Variants in WFS1 observed in about 807,000 individuals in gnomAD.
WFS1 encodes the protein wolframin ER transmembrane glycoprotein, also known as wolframin.
In WFS1, 90 loss-of-function variants were observed where a neutral mutation model predicts 68.5. The ratio of observed to expected loss-of-function variants is 1.31; its 90% CI spans 1.11 to 1.56. WFS1 has a LOEUF of 1.56. WFS1 is among the 40% of genes most tolerant of loss of function. The pLI is 0.00. For missense variants in WFS1, 1,767 were observed against 1,232.6 expected (o/e 1.43, Z -6.49); for synonymous variants, 860 against 540.7 (o/e 1.59, Z -8.19).
At position 6,289,062 on chromosome 4, in the gene WFS1, GT is replaced by G. The variant is rs1560408774; in HGVS notation, c.392del (p.Val131AlafsTer12). 1 of 1,596,106 alleles carries G rather than the reference GT, an allele frequency of 6.3e-7. No homozygotes were observed. Among genetic ancestry groups the G allele is most frequent in the Admixed American group, 1.7e-5 (1 of 57,368 alleles). On this transcript the variant is annotated frameshift_variant, in exon 4 of 8. Coordinates refer to ENST00000226760, the MANE Select transcript of WFS1 (RefSeq NM_006005.3). LOFTEE classifies it high-confidence loss of function. ...LNSCTAVDWL[V>X]LAAKQGRREA... Reference sequence around the variant, plus strand: ...CAGCTGCACCGCTGTGGACTGGCTGGTCCTCGCCGCGAAGCAGGGCCGTCGC... The same window carrying G: ...CAGCTGCACCGCTGTGGACTGGCTGGCCTCGCCGCGAAGCAGGGCCGTCGC...
chr4:6,294,928 C>T, intron 6 of WFS1, 113 bp from the exon 7 acceptor site: 1 of 1,569,496 alleles, frequency 6.4e-7, no homozygotes, highest in Non-Finnish European at 8.7e-7. Flanking sequence ...TGAACCCACT[C>T]AGCTCCTTTC....
chr4:6,302,280 C>G lies in WFS1; in HGVS notation c.2485C>G (p.Leu829Val), dbSNP rs1184845386. The G allele has an allele frequency of 3.1e-6, 5 of 1,605,964 alleles. No individual in the cohort carries two copies. Among genetic ancestry groups the G allele is most frequent in the Non-Finnish European group, 4.3e-6 (5 of 1,174,702 alleles). ...QGSLIEFSTILEGRLGSKWPV... is the reference protein window; with the variant it reads ...QGSLIEFSTIVEGRLGSKWPV... Reference sequence around the variant, plus strand: ...CAGCCTCATCGAGTTCAGCACCATCCTGGAGGGCCGCCTGGGCAGCAAGTG... The same window carrying G: ...CAGCCTCATCGAGTTCAGCACCATCGTGGAGGGCCGCCTGGGCAGCAAGTG... The change falls in exon 8 of 8, where the codon CTG becomes GTG. Residue 829 changes from leucine to valine, a missense_variant. Coordinates refer to ENST00000226760, the MANE Select transcript of WFS1 (RefSeq NM_006005.3).
At chr4:6,289,288 AC>A (rs1350410199) in intron 4 of WFS1, among the ~76,000 whole-genome samples, 157 bp downstream of exon 4, 1 of 152,154 alleles carries the variant, frequency 6.6e-6, no homozygotes, top group East Asian at 1.9e-4. Context: ...CATTTTAGAC[AC>A]TGTTTCTGGA....
Position 6,301,012 on chromosome 4 carries a change from C to T in WFS1, c.1217C>T (p.Ala406Val). ...NFGWNHLEPY[A>V]HFLLSVFFVI... The stretch of plus-strand genomic sequence containing the variant: ...GGCTGGAACCACCTGGAGCCCTATG[C>T]CCATTTCCTGCTCTCTGTCTTCTTC... The change falls in exon 8 of 8, where the codon GCC becomes GTC. Residue 406 changes from alanine (A) to valine (V), a missense_variant. By Grantham distance (64) the Ala-to-Val change is moderately conservative. Coordinates refer to ENST00000226760, the MANE Select transcript of WFS1 (RefSeq NM_006005.3). 3 of 1,614,018 alleles carry T rather than the reference C, an allele frequency of 1.9e-6. No individual in the cohort carries two copies. Among genetic ancestry groups the T allele is most frequent in the Non-Finnish European group, 1.7e-6 (2 of 1,180,024 alleles).
chr4:6,301,302 G>A lies in WFS1; in HGVS notation c.1507G>A (p.Val503Ile), dbSNP rs573775230. ...CCACCTGGTCGTCCTCAACGTCAGC[G>A]TCCCGTGCCTGCTCTATGTCTACCT... The part of the protein sequence containing the change: ...VGHLVVLNVS[V>I]PCLLYVYLLY... The change falls in exon 8 of 8, where the codon GTC (valine) becomes ATC (isoleucine). Residue 503 changes from valine (V) to isoleucine (I), a missense_variant. Physicochemically the swap from Val to Ile is conservative, Grantham distance 29. Coordinates refer to ENST00000226760, the MANE Select transcript of WFS1 (RefSeq NM_006005.3). The A allele has an allele frequency of 6.3e-5, 102 of 1,611,254 alleles. No individual in the cohort carries two copies. The highest frequency in any genetic ancestry group is 3.6e-4 in the East Asian group (16 of 44,874).
intron 1 of WFS1, among the ~76,000 whole-genome samples, chr4:6,273,542 C>T (rs181960335): frequency 7.3e-6 from 1 of 136,514 alleles, no homozygotes; most frequent in Non-Finnish European, 1.6e-5. Flanking sequence ...GGATGGTGCT[C>T]CTGCCCTAGG....
intron 4 of WFS1, among the ~76,000 whole-genome samples, 187 bp from the exon 5 acceptor site, chr4:6,291,010 G>A (rs1224702162): frequency 3.3e-5 from 5 of 152,120 alleles, no homozygotes; most frequent in African/African-American, 1.2e-4. Context: ...TGGCCTCCCA[G>A]CTGGAGAGTG....
At chr4:6,293,839 G>A (rs969459286) in intron 6 of WFS1, among the ~76,000 whole-genome samples, 2 of 152,158 alleles carry the variant, frequency 1.3e-5, no homozygotes, top group Non-Finnish European at 2.9e-5. Flanking sequence ...GTCAGACGCC[G>A]TCCTGAACCC....
At position 6,277,685 on chromosome 4, in the gene WFS1, C is replaced by A; in HGVS notation, c.230C>A (p.Thr77Asn). 1.3e-6 allele frequency: 2 copies of A among 1,558,016 alleles called. No homozygotes were observed. Among genetic ancestry groups the A allele is most frequent in the East Asian group, 2.4e-5 (1 of 41,688 alleles). Residue 77 changes from threonine (T) to asparagine (N), a missense_variant and splice_region_variant, in exon 2 of 8, where the codon ACC becomes AAC. By Grantham distance (65) the Thr-to-Asn change is moderately conservative. Transcript: ENST00000226760. ...HTRSRERADGTGPTKGDMEIP... is the reference protein window; with the variant it reads ...HTRSRERADGNGPTKGDMEIP... ...AGGAGCCGGGAAAGAGCAGACGGCA[C>A]CGGTAAGGGAGCAGGCTGGGAAGCC...
intron 2 of WFS1, among the ~76,000 whole-genome samples, chr4:6,285,650 C>G (rs1030863342): frequency 6.6e-6 from 1 of 152,252 alleles, no homozygotes; most frequent in African/African-American, 2.4e-5. Flanking sequence ...GCCTTTGCAC[C>G]TGGCCACATC....
In WFS1 at chr4:6,301,004, G is replaced by A. The variant is rs779350842; in HGVS notation, c.1209G>A (p.Glu403=). 7 of 1,614,002 alleles carry A rather than the reference G, an allele frequency of 4.3e-6. No individual in the cohort carries two copies. The highest frequency in any genetic ancestry group is 1.1e-5 in the South Asian group (1 of 91,082). ...TCAACTTCGGCTGGAACCACCTGGA[G>A]CCCTATGCCCATTTCCTGCTCTCTG... ...AEVNFGWNHL[E]PYAHFLLSVF... Residue 403 remains glutamate (E), a synonymous_variant, in exon 8 of 8, where the codon GAG becomes GAA. Coordinates refer to ENST00000226760, the MANE Select transcript of WFS1 (RefSeq NM_006005.3).
chr4:6,291,065 C>T lies in WFS1; in HGVS notation c.461-132C>T, dbSNP rs192131817. 8.8e-5 allele frequency: 92 copies of T among 1,042,552 alleles called. No individual in the cohort carries two copies. The East Asian group carries it at 2.3e-3, about 26-fold the overall frequency. 64.6% of individuals were successfully genotyped at this position (1,042,552 alleles called of 1,614,324 possible). On this transcript the variant is annotated intron_variant, in intron 4 of 7. Coordinates refer to ENST00000226760, the MANE Select transcript of WFS1 (RefSeq NM_006005.3). ...TTGAGTCAGATGTCCATGCATCCTT[C>T]CCTGGTAACCAAGTCCTGACACCTT...
chr4:6,278,768 A>C (rs1163652353), intron 2 of WFS1, among the ~76,000 whole-genome samples: 1 of 152,182 alleles, frequency 6.6e-6, no homozygotes, highest in Non-Finnish European at 1.5e-5. Context: ...TTGTCTTTGC[A>C]TCTCCTTAAA....
At chr4:6,298,016 GGTTGTGTGT>G in intron 7 of WFS1, among the ~76,000 whole-genome samples, 1 of 152,356 alleles carries the variant, frequency 6.6e-6, no homozygotes. Flanking sequence ...TCAACCAGGT[GGTTGTGTGT>G]GTTCTAGGCA....
In WFS1 at chr4:6,301,404, T is replaced by G; in HGVS notation, c.1609T>G (p.Cys537Gly). 6.2e-7 allele frequency: 1 copy of G among 1,612,592 alleles called. No homozygotes were observed. Among genetic ancestry groups the G allele is most frequent in the Non-Finnish European group, 8.5e-7 (1 of 1,180,022 alleles). The change falls in exon 8 of 8, where the codon TGC becomes GGC. Residue 537 changes from cysteine to glycine, a missense_variant. Physicochemically the swap from Cys to Gly is radical, Grantham distance 159 (BLOSUM62 -3). Coordinates refer to ENST00000226760, the MANE Select transcript of WFS1 (RefSeq NM_006005.3). Reference sequence around the variant, plus strand: ...CTGCTACCTTGTGCCCTACCTGGTGTGCTTCATGTGGTGTGAGCTCTCCGT... The same window carrying G: ...CTGCTACCTTGTGCCCTACCTGGTGGGCTTCATGTGGTGTGAGCTCTCCGT... The part of the protein sequence containing the change: ...TYCYLVPYLV[C>G]FMWCELSVVI...
chr4:6,294,819 G>C (rs1309782629), intron 6 of WFS1: 1 of 621,352 alleles, frequency 1.6e-6, no homozygotes. Flanking sequence ...GGGGCCGGGG[G>C]CCAGGAGTGG....
rs779094559 is a variant in WFS1, at chr4:6,301,617, C to T, written c.1822C>T (p.Leu608=). 1.2e-6 allele frequency: 2 copies of T among 1,614,132 alleles called. No homozygotes were observed. The highest frequency in any genetic ancestry group is 1.7e-6 in the Non-Finnish European group (2 of 1,180,020). The part of the protein sequence containing the change: ...AVTVAVCSVP[L]LLRWWTKASF... ...CACCGTGGCGGTCTGTAGTGTGCCC[C>T]TGCTGTTGCGCTGGTGGACCAAGGC... The change falls in exon 8 of 8, where the codon CTG becomes TTG. Residue 608 remains leucine, a synonymous_variant. Transcript: ENST00000226760.
intron 7 of WFS1, among the ~76,000 whole-genome samples, chr4:6,297,382 G>A (rs138603382): frequency 6.6e-5 from 10 of 152,302 alleles, no homozygotes; most frequent in Non-Finnish European, 1.3e-4. Flanking sequence ...ACACCTCTTT[G>A]TGAGCCACCC....
chr4:6,294,996 G>C (rs199787795), intron 6 of WFS1, 45 bp from the exon 7 acceptor site: 9 of 1,612,516 alleles, frequency 5.6e-6, no homozygotes, highest in Non-Finnish European at 7.6e-6. Flanking sequence ...GGTGGCAGTG[G>C]GGCTGCAGTG....
Sources: allele counts gnomAD v4.1 joint callset (sites outside exome capture counted in the v4.1 genomes callset), GRCh38; gene constraint gnomAD v4.1.1; transcripts MANE v1.5; gene names NCBI Gene and HGNC (gene_info 2026-07-23, HGNC 2026-07-21).